Variants in BMPR1B observed in about 807,000 individuals in gnomAD.
The protein encoded by BMPR1B is bone morphogenetic protein receptor type-1B.
A neutral mutation model predicts 59.1 loss-of-function variants in BMPR1B; 12 were observed. The ratio of observed to expected loss-of-function variants is 0.20; its 90% CI spans 0.13 to 0.33. The LOEUF is 0.33. Ranked by LOEUF, BMPR1B falls within the 10% of genes least tolerant of loss-of-function variation. The pLI is 1.00. For synonymous variants in BMPR1B, 237 were observed against 207.3 expected, an observed-to-expected ratio of 1.14 and a Z score of -1.23; for missense variants, 550 against 610.9, an observed-to-expected ratio of 0.90 and a Z score of 1.05.
chr4:94,868,018 ATT>A (rs66760751), intron 1 of BMPR1B, among the ~76,000 whole-genome samples: 7,982 of 141,262 alleles, frequency 0.057, 619 homozygotes, highest in African/African-American at 0.19. Context: ...TGCCCCGCTA[ATT>A]TTTTTTTTTT....
intron 1 of BMPR1B, among the ~76,000 whole-genome samples, chr4:94,826,582 T>C (rs1724391645): frequency 6.6e-6 from 1 of 152,110 alleles, no homozygotes; most frequent in African/African-American, 2.4e-5. Flanking sequence ...TTTTATTCAA[T>C]TACTTTACCA....
chr4:94,941,599 G>T (rs1175810805), intron 2 of BMPR1B, among the ~76,000 whole-genome samples: 1 of 152,062 alleles, frequency 6.6e-6, no homozygotes, highest in Non-Finnish European at 1.5e-5. Context: ...TGAAAGGTTA[G>T]CAGGTGGTGT....
intron 10 of BMPR1B, among the ~76,000 whole-genome samples, chr4:95,146,729 T>C (rs1734676287): frequency 6.6e-6 from 1 of 152,166 alleles, no homozygotes. Flanking sequence ...TGATTAAAAA[T>C]TAAAATTAGG....
At chr4:95,002,810 C>T (rs1722545191) in intron 3 of BMPR1B, among the ~76,000 whole-genome samples, 1 of 152,050 alleles carries the variant, frequency 6.6e-6, no homozygotes. Context: ...GTCTTGCCTG[C>T]AAAGAAATGT....
intron 1 of BMPR1B, among the ~76,000 whole-genome samples, chr4:94,832,017 A>G (rs1390923899): frequency 1.3e-5 from 2 of 152,160 alleles, no homozygotes; most frequent in Non-Finnish European, 2.9e-5. Context: ...ATTCTACATC[A>G]TGGTGAGTTG....
intron 1 of BMPR1B, among the ~76,000 whole-genome samples, chr4:94,787,019 A>AT (rs1351493559): frequency 1.3e-5 from 2 of 152,042 alleles, no homozygotes; most frequent in Middle Eastern, 3.2e-3. Context: ...TCCCCAGGAC[A>AT]TTTTTTGTTT....
intron 10 of BMPR1B, among the ~76,000 whole-genome samples, chr4:95,138,126 T>G (rs1198709518): frequency 6.6e-6 from 1 of 152,226 alleles, no homozygotes; most frequent in Non-Finnish European, 1.5e-5. Context: ...TCTCAGCATT[T>G]GCTTGTCTGT....
In BMPR1B at chr4:94,856,280, G is replaced by A. The variant is rs918648282; in HGVS notation, c.-182-19551G>A. 7.2e-5 allele frequency among the ~76,000 whole-genome samples: 11 copies of A among 152,220 alleles called. No homozygotes were observed. The East Asian group carries it at 1.7e-3, about 24-fold the overall frequency. The stretch of plus-strand genomic sequence containing the variant: ...GCCCTCCATCTGCTGCAGGGGTGCC[G>A]TTTTTCTGAGGATGCTGTAGCATTA... On this transcript the variant is annotated intron_variant, in intron 1 of 12. Transcript: ENST00000515059.
At position 95,154,716 on chromosome 4, in the gene BMPR1B, A is replaced by G. The variant is rs1735289212; in HGVS notation, c.*43A>G. ...GCATCTCTGCAGAAAGCCAACAGGTACTCTTCTGTTTGTGGGCAGAGCAAA... is the reference window on the plus strand; with the variant it reads ...GCATCTCTGCAGAAAGCCAACAGGTGCTCTTCTGTTTGTGGGCAGAGCAAA... On this transcript the variant is annotated 3_prime_UTR_variant, in exon 13 of 13. Coordinates refer to ENST00000515059, the MANE Select transcript of BMPR1B (RefSeq NM_001203.3). 1.9e-6 allele frequency: 3 copies of G among 1,610,848 alleles called. No individual in the cohort carries two copies. The highest frequency in any genetic ancestry group is 1.7e-5 in the Admixed American group (1 of 59,970).
In BMPR1B at chr4:95,153,071, T is replaced by C. The variant is rs1369080100; in HGVS notation, c.1383+298T>C. Among the ~76,000 whole-genome samples, 3 of 152,160 alleles carry C rather than the reference T, an allele frequency of 2.0e-5. No homozygotes were observed. In the East Asian group the frequency reaches 5.8e-4, roughly 29 times the overall value. On this transcript the variant is annotated intron_variant, in intron 12 of 12. Coordinates refer to ENST00000515059, the MANE Select transcript of BMPR1B (RefSeq NM_001203.3). ...TGTCTTGACATTTGCATAAAACCTATTATTTCTCTGTGTGTGTTTTTAAAG... is the reference window on the plus strand; with the variant it reads ...TGTCTTGACATTTGCATAAAACCTACTATTTCTCTGTGTGTGTTTTTAAAG...
rs546008301 is a variant in BMPR1B, at chr4:95,155,357, G to T, written c.*684G>T. On this transcript the variant is annotated 3_prime_UTR_variant, in exon 13 of 13. Transcript: ENST00000515059. ...TTCAGGCAATATGGAACAAATGAAG[G>T]TTTATGTGACTCTAATAGAAGTAAT... The T allele has an allele frequency of 1.3e-5, 2 of 151,820 alleles. No homozygotes were observed. The highest frequency in any genetic ancestry group is 4.2e-4 in the South Asian group (2 of 4,788). 9.4% of individuals were successfully genotyped at this position (151,820 alleles called of 1,614,324 possible).
rs529903019 is a variant in BMPR1B at position 95,037,920 on chromosome 4, T to C, written c.-18+41786T>C. ...AAAGAGCTATGCCCTGAGGGTTTTG[T>C]ACTCAAGTGGGGCTGAGGGGGAGAC... On this transcript the variant is annotated intron_variant, in intron 3 of 12. Coordinates refer to ENST00000515059, the MANE Select transcript of BMPR1B (RefSeq NM_001203.3). 2.0e-5 allele frequency among the ~76,000 whole-genome samples: 3 copies of C among 152,282 alleles called. No homozygotes were observed. In the East Asian group the frequency reaches 5.8e-4, roughly 29 times the overall value.
At chr4:94,930,098 G>A (rs1247732999) in intron 2 of BMPR1B, among the ~76,000 whole-genome samples, 1 of 151,864 alleles carries the variant, frequency 6.6e-6, no homozygotes, top group Non-Finnish European at 1.5e-5. Flanking sequence ...GTTTTTCACC[G>A]GAATCACCAC....
chr4:94,872,179 G>T (rs1176483136), intron 1 of BMPR1B, among the ~76,000 whole-genome samples: 2 of 152,164 alleles, frequency 1.3e-5, no homozygotes, highest in Non-Finnish European at 2.9e-5. Flanking sequence ...ACCTCACAAG[G>T]CACTTTTAAA....
At chr4:94,876,676 TCAGTGCTA>T (rs551517310) in intron 2 of BMPR1B, among the ~76,000 whole-genome samples, 165 of 152,328 alleles carry the variant, frequency 1.1e-3, no homozygotes, top group African/African-American at 3.5e-3. Flanking sequence ...GATCTTTACT[TCAGTGCTA>T]TACTGAAAAC....
At chr4:94,958,831 C>T (rs990542825) in intron 2 of BMPR1B, among the ~76,000 whole-genome samples, 1 of 151,944 alleles carries the variant, frequency 6.6e-6, no homozygotes, top group African/African-American at 2.4e-5. Context: ...TAAGAGGACT[C>T]AGGCTGGAGT....
chr4:94,765,488 A>T (rs1358722383), intron 1 of BMPR1B, among the ~76,000 whole-genome samples: 1 of 152,172 alleles, frequency 6.6e-6, no homozygotes, highest in African/African-American at 2.4e-5. Context: ...TGAAGAAGAA[A>T]AGTGGGCCAA....
In BMPR1B at chr4:95,083,059, AAG is replaced by A. The variant is rs1553934979; in HGVS notation, c.-17-21347_-17-21346del. ...TCTCAAAAAAAAAAAAAAAAAAAAA[AAG>A]AATCATAATATGTTTGAAGTACAAG... On this transcript the variant is annotated intron_variant, in intron 3 of 12. Coordinates refer to ENST00000515059, the MANE Select transcript of BMPR1B (RefSeq NM_001203.3). Among the ~76,000 whole-genome samples, 933 of 150,492 alleles carry A rather than the reference AAG, an allele frequency of 6.2e-3. 3 individuals carry two copies. Among genetic ancestry groups the A allele is most frequent in the African/African-American group, 0.022 (898 of 40,724 alleles).
At chr4:94,847,992 AT>A (rs1261701553) in intron 1 of BMPR1B, among the ~76,000 whole-genome samples, 1 of 152,174 alleles carries the variant, frequency 6.6e-6, no homozygotes, top group Non-Finnish European at 1.5e-5. Flanking sequence ...CCCTGATGTG[AT>A]TATTATGTAT....
Sources: gnomAD v4.1 joint callset for allele counts (sites outside exome capture counted in the v4.1 genomes callset) on GRCh38, gnomAD v4.1.1 for gene constraint, MANE v1.5 for transcripts, NCBI Gene and HGNC (gene_info 2026-07-23, HGNC 2026-07-21) for gene names.